The following COL15A1 variants were observed in gnomAD, a reference collection of about 807,000 sequenced individuals.
COL15A1 encodes collagen alpha-1(XV) chain.
COL15A1 carries 111 observed loss-of-function variants against 165.9 expected under a neutral mutation model. The observed-to-expected ratio is 0.67, with a 90% CI of 0.57 to 0.78. The LOEUF is 0.78. Ranked by LOEUF, COL15A1 falls within the 30% of genes least tolerant of loss-of-function variation. The pLI, the probability that COL15A1 is intolerant of heterozygous loss-of-function variation, is 0.00. For missense variants in COL15A1, 1,745 were observed against 1,789.7 expected (o/e 0.98, Z 0.45); for synonymous variants, 659 against 674.8 (o/e 0.98, Z 0.36).
At chr9:99,006,565 A>G (rs73503719) in intron 9 of COL15A1, among the ~76,000 whole-genome samples, 42,820 of 152,138 alleles carry the variant, frequency 0.28, 6,626 homozygotes, top group East Asian at 0.57. Context: ...TGATGGTGCC[A>G]CAGGCCACTG....
At chr9:99,006,634 C>T (rs914993) in intron 9 of COL15A1, among the ~76,000 whole-genome samples, 1 of 151,704 alleles carries the variant, frequency 6.6e-6, no homozygotes, top group Non-Finnish European at 1.5e-5. Flanking sequence ...CTTCTTCTTC[C>T]TCTTCCAGTT....
rs750584460 is a variant in COL15A1 at position 99,025,973 on chromosome 9, G to A, written c.2043+7G>A. 1 of 1,607,618 alleles carries A rather than the reference G, an allele frequency of 6.2e-7. No homozygotes were observed. Among genetic ancestry groups the A allele is most frequent in the South Asian group, 1.1e-5 (1 of 89,510 alleles). On this transcript the variant is annotated splice_region_variant and intron_variant, in intron 16 of 41. Transcript: ENST00000375001. ...CGGGATGAAAGGGGAGAAGGTACGGGGAACACGGGAGGGTCCCACCACATG... is the reference window on the plus strand; with the variant it reads ...CGGGATGAAAGGGGAGAAGGTACGGAGAACACGGGAGGGTCCCACCACATG...
At chr9:98,965,722 G>C (rs1424198341) in intron 2 of COL15A1, among the ~76,000 whole-genome samples, 1 of 152,184 alleles carries the variant, frequency 6.6e-6, no homozygotes, top group African/African-American at 2.4e-5. Flanking sequence ...CCTTCCTTCA[G>C]GTCCCCTTCC....
chr9:99,003,359 TG>T, intron 7 of COL15A1, 93 bp from the exon 8 acceptor site: 1 of 953,528 alleles, frequency 1.0e-6, no homozygotes, highest in Non-Finnish European at 1.5e-6. Flanking sequence ...GAAATGCAGG[TG>T]GCTGGAGAAG....
chr9:99,001,803 G>A lies in COL15A1; in HGVS notation c.1065+852G>A, dbSNP rs538443954. ...ACTTGGCTGGTCAAATTGTGATCTG[G>A]GCTTTTGGTGTGGAAGATGCCTGAT... is the stretch of plus-strand genomic sequence containing the variant. On this transcript the variant is annotated intron_variant, in intron 7 of 41. Transcript: ENST00000375001. Among the ~76,000 whole-genome samples, 13 of 152,244 alleles carry A rather than the reference G, an allele frequency of 8.5e-5. No homozygotes were observed. In the East Asian group the frequency reaches 2.5e-3, roughly 29 times the overall value.
chr9:98,977,036 A>G (rs1040079060), intron 2 of COL15A1, among the ~76,000 whole-genome samples: 56 of 152,296 alleles, frequency 3.7e-4, no homozygotes, highest in African/African-American at 1.3e-3. Context: ...CAGTATGACA[A>G]TTGCATGGGA....
intron 2 of COL15A1, among the ~76,000 whole-genome samples, chr9:98,965,235 A>C (rs1239057893): frequency 6.6e-6 from 1 of 152,168 alleles, no homozygotes; most frequent in Non-Finnish European, 1.5e-5. Flanking sequence ...GGAATCTGCC[A>C]AGGCACCCGG....
At chr9:99,047,886 G>A (rs948868711) in intron 27 of COL15A1, 47 bp downstream of exon 27, 1 of 1,611,300 alleles carries the variant, frequency 6.2e-7, no homozygotes, top group Middle Eastern at 1.7e-4. Context: ...AGGACACGTG[G>A]GCCAGGCTGG....
At chr9:98,979,854 T>C (rs1336821445) in intron 2 of COL15A1, among the ~76,000 whole-genome samples, 1 of 152,146 alleles carries the variant, frequency 6.6e-6, no homozygotes, top group Non-Finnish European at 1.5e-5. Flanking sequence ...AGTTTAGTGT[T>C]TTCTAAAATG....
intron 11 of COL15A1, among the ~76,000 whole-genome samples, chr9:99,019,909 T>A (rs1838997935): frequency 1.3e-5 from 2 of 152,190 alleles, no homozygotes; most frequent in African/African-American, 4.8e-5. Context: ...CTCTGGATTT[T>A]TTAGTGCTTT....
Position 99,025,913 on chromosome 9 carries a change from G to C in COL15A1, c.1990G>C (p.Gly664Arg). ...CACTGATGTTCCCCAGGGCCCTGAG[G>C]GACAGCCTGGAGTTGATGGAGCCAC... ...AGEPGPPGPE[G>R]QPGVDGATGL... The change falls in exon 16 of 42, where the codon GGA becomes CGA. Residue 664 changes from glycine (G) to arginine (R), a missense_variant. Physicochemically the swap from Gly to Arg is moderately radical, Grantham distance 125 (BLOSUM62 -2). Coordinates refer to ENST00000375001, the MANE Select transcript of COL15A1 (RefSeq NM_001855.5). 1 of 1,613,174 alleles carries C rather than the reference G, an allele frequency of 6.2e-7. No homozygotes were observed. Among genetic ancestry groups the C allele is most frequent in the East Asian group, 2.2e-5 (1 of 44,868 alleles).
chr9:98,967,601 G>C (rs1176036968), intron 2 of COL15A1, among the ~76,000 whole-genome samples: 2 of 152,214 alleles, frequency 1.3e-5, no homozygotes, highest in Non-Finnish European at 2.9e-5. Flanking sequence ...GCTGGGAGGT[G>C]GCTTGAATGC....
At chr9:99,049,615 G>A (rs190504205) in intron 28 of COL15A1, 75 bp from the exon 29 acceptor site, 1 of 1,584,004 alleles carries the variant, frequency 6.3e-7, no homozygotes. Flanking sequence ...CCTTCCTCTG[G>A]AGGAAGTGTC....
Position 99,034,988 on chromosome 9 carries a change from T to A in COL15A1, c.2080-26T>A, listed in dbSNP as rs1564072640. 1.9e-6 allele frequency: 3 copies of A among 1,605,348 alleles called. No homozygotes were observed. The South Asian group carries it at 3.3e-5, about 18-fold the overall frequency. ...TTCCATGAGTGAACCCAGGGCTAGA[T>A]AATCAGCCTGCCCTCTTTCCTACAG... is the stretch of plus-strand genomic sequence containing the variant. On this transcript the variant is annotated intron_variant, in intron 17 of 41. Coordinates refer to ENST00000375001, the MANE Select transcript of COL15A1 (RefSeq NM_001855.5).
intron 2 of COL15A1, among the ~76,000 whole-genome samples, chr9:98,956,230 C>T (rs1384055168): frequency 2.6e-5 from 4 of 152,114 alleles, no homozygotes; most frequent in Admixed American, 6.5e-5. Flanking sequence ...CTCTTGAGCC[C>T]AAGAGGCAGA....
At chr9:98,987,172 T>C in intron 3 of COL15A1, 122 bp from the exon 4 acceptor site, 3 of 915,948 alleles carry the variant, frequency 3.3e-6, no homozygotes, top group Admixed American at 2.0e-5. Context: ...GACTGCAGGC[T>C]GTACATCCTC....
chr9:99,040,616 T>TC, intron 23 of COL15A1, 60 bp downstream of exon 23: 1 of 1,613,820 alleles, frequency 6.2e-7, no homozygotes, highest in African/African-American at 1.3e-5. Context: ...TTCTGTTCCT[T>TC]CCACCTAGAA....
rs1417356882 is a variant in COL15A1 at position 99,070,077 on chromosome 9, A to G, written c.*191A>G. On this transcript the variant is annotated 3_prime_UTR_variant, in exon 42 of 42. Coordinates refer to ENST00000375001, the MANE Select transcript of COL15A1 (RefSeq NM_001855.5). ...AAGACATAGAGGACTCAGATCAAAG[A>G]CAAAATCTGATCCATATATTGGTGC... 11 of 555,762 alleles carry G rather than the reference A, an allele frequency of 2.0e-5. No individual in the cohort carries two copies. Among genetic ancestry groups the G allele is most frequent in the South Asian group, 1.4e-4 (6 of 43,228 alleles). 34.4% of individuals were successfully genotyped at this position (555,762 alleles called of 1,614,324 possible). A position where few individuals can be genotyped will look rare whatever the true frequency, so the allele number is the denominator to read the frequency against.
chr9:99,065,675 T>C (rs1274050073), intron 39 of COL15A1, among the ~76,000 whole-genome samples: 1 of 145,802 alleles, frequency 6.9e-6, no homozygotes, highest in Non-Finnish European at 1.5e-5. Flanking sequence ...CTCCATCTAG[T>C]ATGGTGGTCA....
Sources: gnomAD v4.1 joint callset for allele counts (sites outside exome capture counted in the v4.1 genomes callset) on GRCh38, gnomAD v4.1.1 for gene constraint, MANE v1.5 for transcripts, NCBI Gene and HGNC (gene_info 2026-07-23, HGNC 2026-07-21) for gene names.